VTI1A: variants seen among roughly 807,000 people sequenced by gnomAD.
The protein encoded by VTI1A is vesicle transport through interaction with t-SNAREs 1A.
VTI1A carries 22 observed loss-of-function variants against 34.9 expected under a neutral mutation model. That is an observed-to-expected ratio of 0.63 (90% CI 0.45 to 0.90). The LOEUF is 0.90. Ranked by LOEUF, VTI1A falls within the 40% of genes least tolerant of loss-of-function variation. VTI1A has a pLI of 0.00. For synonymous variants in VTI1A, 87 were observed against 97.3 expected, an observed-to-expected ratio of 0.89 and a Z score of 0.62; for missense variants, 268 against 275.6, an observed-to-expected ratio of 0.97 and a Z score of 0.20.
intron 7 of VTI1A, among the ~76,000 whole-genome samples, chr10:112,733,857 G>A (rs1386204153): frequency 6.6e-6 from 1 of 151,816 alleles, no homozygotes; most frequent in Non-Finnish European, 1.5e-5. Flanking sequence ...CTGGGTTCAA[G>A]TGATTCTCCT....
the VTI1A span, among the ~76,000 whole-genome samples, chr10:112,836,537 C>A: frequency 1.3e-5 from 2 of 152,200 alleles, no homozygotes; most frequent in Non-Finnish European, 2.9e-5. Context: ...TACCTCATAG[C>A]AAATTTCCCT....
At chr10:112,613,775 T>G (rs1845407409) in intron 5 of VTI1A, among the ~76,000 whole-genome samples, 2 of 152,214 alleles carry the variant, frequency 1.3e-5, no homozygotes. Context: ...TGCACTTCGT[T>G]GCCATGCCAG....
intron 5 of VTI1A, among the ~76,000 whole-genome samples, chr10:112,611,703 C>T (rs903959524): frequency 3.7e-4 from 55 of 150,196 alleles, no homozygotes; most frequent in African/African-American, 1.3e-3. Flanking sequence ...ACAAAATAGT[C>T]ACCTTTGGTA....
chr10:112,681,923 T>C (rs769917719), intron 7 of VTI1A, among the ~76,000 whole-genome samples: 19 of 152,202 alleles, frequency 1.2e-4, no homozygotes, highest in Non-Finnish European at 1.9e-4. Context: ...TCTTTTCATG[T>C]GTCCCAATTA....
intron 7 of VTI1A, among the ~76,000 whole-genome samples, chr10:112,784,111 G>A (rs11816271): frequency 7.9e-5 from 12 of 152,100 alleles, no homozygotes; most frequent in African/African-American, 2.4e-4. Context: ...TTCTCTTCTC[G>A]TGTTTTTTTA....
intron 7 of VTI1A, among the ~76,000 whole-genome samples, chr10:112,799,696 T>A (rs575999568): frequency 6.6e-6 from 1 of 152,194 alleles, no homozygotes; most frequent in African/African-American, 2.4e-5. Context: ...CCTCCCAGCC[T>A]AAGAACCCAG....
chr10:112,838,221 A>G, the VTI1A span, among the ~76,000 whole-genome samples: 1 of 152,170 alleles, frequency 6.6e-6, no homozygotes, highest in Non-Finnish European at 1.5e-5. Context: ...TGCTCCCAAG[A>G]CAGCCCCAGG....
At chr10:112,526,719 AC>A (rs1482977586) in intron 3 of VTI1A, among the ~76,000 whole-genome samples, 2 of 152,234 alleles carry the variant, frequency 1.3e-5, no homozygotes, top group Middle Eastern at 3.4e-3. Flanking sequence ...AAAAAAAAAA[AC>A]ATATACTCCT....
chr10:112,489,114 G>T (rs745588457), intron 3 of VTI1A, among the ~76,000 whole-genome samples: 1 of 152,096 alleles, frequency 6.6e-6, no homozygotes, highest in African/African-American at 2.4e-5. Flanking sequence ...GATTCTGAAG[G>T]CCCAGGTGGG....
chr10:112,597,104 A>G (rs939180491), intron 5 of VTI1A, among the ~76,000 whole-genome samples: 2 of 152,202 alleles, frequency 1.3e-5, no homozygotes, highest in African/African-American at 4.8e-5. Context: ...TCTTTGAAGC[A>G]AACTTGAACT....
At chr10:112,835,867 G>C in the VTI1A span, among the ~76,000 whole-genome samples, 1 of 152,180 alleles carries the variant, frequency 6.6e-6, no homozygotes, top group East Asian at 1.9e-4. Context: ...TTTAAATTCA[G>C]GTGGAGAAAA....
chr10:112,527,992 A>T (rs1174796951), intron 4 of VTI1A, among the ~76,000 whole-genome samples: 1 of 152,140 alleles, frequency 6.6e-6, no homozygotes, highest in Non-Finnish European at 1.5e-5. Flanking sequence ...GCCTCAAAAA[A>T]GCCCTAATGA....
the VTI1A span, among the ~76,000 whole-genome samples, chr10:112,833,476 T>C: frequency 6.6e-6 from 1 of 152,136 alleles, no homozygotes. Context: ...TCCTAAGTTC[T>C]GGCCCTGGTT....
rs1296849590 is a variant in VTI1A, at chr10:112,736,105, G to GTATATATA, written c.560+67108_560+67109insATATATAT. On this transcript the variant is annotated intron_variant, in intron 7 of 7. Coordinates refer to ENST00000393077, the MANE Select transcript of VTI1A (RefSeq NM_145206.4). ...TATAGTATATTTTACATATATATGT[G>GTATATATA]TGTGTGTATATATATATATATATAT... Among the ~76,000 whole-genome samples the GTATATATA allele has an allele frequency of 1.6e-3, 141 of 90,238 alleles. 1 individual carries two copies. The highest frequency in any genetic ancestry group is 9.9e-3 in the African/African-American group (132 of 13,390). The allele number at this position is 90,238 out of a possible 152,430, so 59.2% of individuals were successfully genotyped here.
the VTI1A span, among the ~76,000 whole-genome samples, chr10:112,844,508 C>T: frequency 1.3e-5 from 2 of 152,184 alleles, no homozygotes; most frequent in Non-Finnish European, 2.9e-5. Flanking sequence ...AAGCGATTCT[C>T]CTGCCTCAGC....
chr10:112,671,530 A>G (rs1847845168), intron 7 of VTI1A, among the ~76,000 whole-genome samples: 1 of 152,240 alleles, frequency 6.6e-6, no homozygotes, highest in Non-Finnish European at 1.5e-5. Context: ...TATTTAAAAG[A>G]AAGATTGCAG....
chr10:112,652,798 C>T (rs1847088025), intron 5 of VTI1A, among the ~76,000 whole-genome samples: 1 of 151,744 alleles, frequency 6.6e-6, no homozygotes, highest in Non-Finnish European at 1.5e-5. Flanking sequence ...AAATATAGGC[C>T]CACTGGGCCT....
chr10:112,799,891 G>A (rs1278986402), intron 7 of VTI1A, among the ~76,000 whole-genome samples: 1 of 152,154 alleles, frequency 6.6e-6, no homozygotes, highest in East Asian at 1.9e-4. Flanking sequence ...CCTGGGCTGG[G>A]GGGACTAGAC....
Position 112,817,379 on chromosome 10 carries a change from C to T in VTI1A, c.*1996C>T, listed in dbSNP as rs1011426163. On this transcript the variant is annotated 3_prime_UTR_variant, in exon 8 of 8. Transcript: ENST00000393077. ...TCCTGAATATTTCACTGAATCCTGG[C>T]GTTCATGTTGAAGCAGACAAAATGA... is the stretch of plus-strand genomic sequence containing the variant. 4 of 232,224 alleles carry T rather than the reference C, an allele frequency of 1.7e-5. No individual in the cohort carries two copies. Among genetic ancestry groups the T allele is most frequent in the East Asian group, 6.1e-5 (1 of 16,440 alleles). 14.4% of individuals were successfully genotyped at this position (232,224 alleles called of 1,614,324 possible).
Sources: allele counts gnomAD v4.1 joint callset (sites outside exome capture counted in the v4.1 genomes callset), GRCh38; gene constraint gnomAD v4.1.1; transcripts MANE v1.5; gene names NCBI Gene and HGNC (gene_info 2026-07-23, HGNC 2026-07-21).